The following SLC39A11 variants were observed in gnomAD, a reference collection of about 807,000 sequenced individuals.
The protein encoded by SLC39A11 is zinc transporter ZIP11.
A neutral mutation model predicts 36.1 loss-of-function variants in SLC39A11; 33 were observed. That is an observed-to-expected ratio of 0.91 (90% CI 0.69 to 1.22). The LOEUF (loss-of-function observed/expected upper bound fraction) is 1.22, where lower values mean the gene tolerates loss of function less well. Among genes scored for constraint, SLC39A11 ranks in the 50% most tolerant of loss-of-function variants. The probability of loss-of-function intolerance (pLI) is 0.00; values close to 1 mark genes in which losing one functional copy is unlikely to be tolerated. For synonymous variants in SLC39A11, 166 were observed against 170.3 expected, an observed-to-expected ratio of 0.97 and a Z score of 0.20; for missense variants, 432 against 430.3, an observed-to-expected ratio of 1.00 and a Z score of -0.03.
At chr17:72,655,591 C>A (rs2070074143) in intron 7 of SLC39A11, among the ~76,000 whole-genome samples, 1 of 152,190 alleles carries the variant, frequency 6.6e-6, no homozygotes, top group Admixed American at 6.5e-5. Context: ...AAGCCCGCCT[C>A]CCTCCCAGGA....
Position 72,949,144 on chromosome 17 carries a change from C to CTTTTTTTTTTTTTTTTTTTTTTT in SLC39A11, c.307-1292_307-1270dup, listed in dbSNP as rs56036208. Among the ~76,000 whole-genome samples, 41 of 36,508 alleles carry CTTTTTTTTTTTTTTTTTTTTTTT rather than the reference C, an allele frequency of 1.1e-3. 13 individuals are homozygous for CTTTTTTTTTTTTTTTTTTTTTTT. Among genetic ancestry groups the CTTTTTTTTTTTTTTTTTTTTTTT allele is most frequent in the East Asian group, 3.5e-3 (3 of 866 alleles). The allele number at this position is 36,508 out of a possible 152,430, so 24.0% of individuals were successfully genotyped here. A position where few individuals can be genotyped will look rare whatever the true frequency, so the allele number is the denominator to read the frequency against. On this transcript the variant is annotated intron_variant, in intron 4 of 9. Transcript: ENST00000255559. ...AAATAAAATACCATACACTGGGCAG[C>CTTTTTTTTTTTTTTTTTTTTTTT]TTTTTTTTTTTTTTTTTTTTTTTTT...
intron 6 of SLC39A11, among the ~76,000 whole-genome samples, chr17:72,791,045 G>A (rs56925129): frequency 0.043 from 6,543 of 152,210 alleles, 161 homozygotes; most frequent in African/African-American, 0.065. Context: ...CAGCAGCATC[G>A]GCATTGCCTA....
At chr17:73,009,160 G>A (rs2090367553) in intron 4 of SLC39A11, among the ~76,000 whole-genome samples, 3 of 151,094 alleles carry the variant, frequency 2.0e-5, no homozygotes, top group South Asian at 4.2e-4. Flanking sequence ...TCAGGAGATC[G>A]AACCCATCCT....
intron 6 of SLC39A11, among the ~76,000 whole-genome samples, chr17:72,836,941 A>G (rs530210525): frequency 6.6e-6 from 1 of 152,320 alleles, no homozygotes; most frequent in African/African-American, 2.4e-5. Context: ...TCTCCTGGAA[A>G]GGTCTGTACC....
intron 7 of SLC39A11, among the ~76,000 whole-genome samples, chr17:72,699,923 G>A (rs183501444): frequency 3.9e-4 from 60 of 152,220 alleles, no homozygotes; most frequent in Non-Finnish European, 4.7e-4. Context: ...TCTGGGGTTT[G>A]GTAGAGACCC....
intron 6 of SLC39A11, among the ~76,000 whole-genome samples, chr17:72,747,006 C>T (rs909522541): frequency 1.3e-5 from 2 of 152,076 alleles, no homozygotes. Context: ...ATGATCGCAC[C>T]ACTGCACTTC....
chr17:72,979,895 T>C (rs2088170944), intron 4 of SLC39A11, among the ~76,000 whole-genome samples: 1 of 152,044 alleles, frequency 6.6e-6, no homozygotes, highest in African/African-American at 2.4e-5. Context: ...ACCCCTCCCA[T>C]GACTTGCTCC....
intron 6 of SLC39A11, among the ~76,000 whole-genome samples, chr17:72,844,667 CAAAAACAAAAAACAA>C (rs1487104460): frequency 2.0e-5 from 3 of 151,848 alleles, no homozygotes; most frequent in East Asian, 1.9e-4. Flanking sequence ...GACTCTGTCT[CAAAAACAAAAAACAA>C]AAAAACAAAA....
At chr17:72,716,983 AT>A (rs1297162128) in intron 7 of SLC39A11, among the ~76,000 whole-genome samples, 5 of 87,480 alleles carry the variant, frequency 5.7e-5, no homozygotes, top group African/African-American at 1.5e-4. Context: ...AAAAAAAAAT[AT>A]ATATATATAC....
chr17:72,774,213 G>A lies in SLC39A11; in HGVS notation c.602-37494C>T, dbSNP rs1406083560. On this transcript the variant is annotated intron_variant, in intron 6 of 9. Transcript: ENST00000255559. ...GACAGCTGGAACCAGAAGCAGGGAG[G>A]AAGGCACGGAGCAGACAGGCTCATG... Among the ~76,000 whole-genome samples, 5 of 152,326 alleles carry A rather than the reference G, an allele frequency of 3.3e-5. No individual in the cohort carries two copies. The South Asian group carries it at 6.2e-4, about 19-fold the overall frequency.
At chr17:72,810,445 C>T (rs766723320) in intron 6 of SLC39A11, among the ~76,000 whole-genome samples, 7 of 152,172 alleles carry the variant, frequency 4.6e-5, no homozygotes, top group African/African-American at 7.2e-5. Context: ...TGCACACAGA[C>T]GAACCTCAGA....
intron 6 of SLC39A11, among the ~76,000 whole-genome samples, chr17:72,804,908 C>T (rs1036300765): frequency 1.3e-5 from 2 of 151,936 alleles, no homozygotes; most frequent in Non-Finnish European, 2.9e-5. Flanking sequence ...TAATCCCATT[C>T]GGGAGGCTGA....
At chr17:72,697,696 A>T (rs2072372532) in intron 7 of SLC39A11, among the ~76,000 whole-genome samples, 1 of 152,048 alleles carries the variant, frequency 6.6e-6, no homozygotes. Flanking sequence ...CCTGGCAGGG[A>T]CCATGACCTC....
chr17:72,651,277 GC>G (rs1326329680), intron 7 of SLC39A11, among the ~76,000 whole-genome samples: 8 of 152,138 alleles, frequency 5.3e-5, no homozygotes, highest in African/African-American at 1.4e-4. Flanking sequence ...AGAGCCACTG[GC>G]CTAAGCAGGC....
chr17:72,745,591 G>A (rs564619419), intron 6 of SLC39A11, among the ~76,000 whole-genome samples: 1 of 152,270 alleles, frequency 6.6e-6, no homozygotes, highest in East Asian at 1.9e-4. Context: ...ATGCTGTTGT[G>A]AAGCCACTAT....
chr17:72,825,974 T>A (rs2078013014), intron 6 of SLC39A11, among the ~76,000 whole-genome samples: 1 of 152,156 alleles, frequency 6.6e-6, no homozygotes, highest in South Asian at 2.1e-4. Context: ...CTGGAATGAG[T>A]TAAGACTTTG....
intron 3 of SLC39A11, among the ~76,000 whole-genome samples, chr17:73,070,641 T>C (rs968089917): frequency 6.6e-6 from 1 of 152,164 alleles, no homozygotes; most frequent in African/African-American, 2.4e-5. Flanking sequence ...ACCCAAACCT[T>C]ATCTTCAATT....
intron 4 of SLC39A11, among the ~76,000 whole-genome samples, chr17:72,997,295 C>T (rs1258169426): frequency 2.6e-5 from 4 of 152,154 alleles, no homozygotes; most frequent in Non-Finnish European, 4.4e-5. Flanking sequence ...GCTCTGTCGC[C>T]CAGGCTGGAA....
At chr17:72,909,249 C>T (rs557338176) in intron 5 of SLC39A11, among the ~76,000 whole-genome samples, 3 of 152,250 alleles carry the variant, frequency 2.0e-5, no homozygotes, top group South Asian at 2.1e-4. Flanking sequence ...AGATTACAGG[C>T]GTCAGCCATT....
Sources: allele counts gnomAD v4.1 joint callset (sites outside exome capture counted in the v4.1 genomes callset), GRCh38; gene constraint gnomAD v4.1.1; transcripts MANE v1.5; gene names NCBI Gene and HGNC (gene_info 2026-07-23, HGNC 2026-07-21).